The following PRDM15 variants were observed in gnomAD, a reference collection of about 807,000 sequenced individuals.
PRDM15 encodes the protein PR domain zinc finger protein 15.
A neutral mutation model predicts 128.6 loss-of-function variants in PRDM15; 64 were observed. The ratio of observed to expected loss-of-function variants is 0.50; its 90% confidence interval spans 0.41 to 0.61. The LOEUF (loss-of-function observed/expected upper bound fraction) is 0.61, where lower values mean the gene tolerates loss of function less well. PRDM15 is among the 20% of genes least tolerant of loss of function. PRDM15 has a pLI of 0.00. For missense variants in PRDM15, 1,242 were observed against 1,569.1 expected (o/e 0.79, Z 3.52); for synonymous variants, 615 against 621.8 (o/e 0.99, Z 0.16).
At position 41,821,018 on chromosome 21, in the gene PRDM15, A is replaced by G. The variant is rs766164030; in HGVS notation, c.2060+49T>C. On this transcript the variant is annotated intron_variant, in intron 16 of 23. Transcript: ENST00000398548. This position sits in a 1 kb window ranked among gnomAD's most constrained non-coding sequence, Gnocchi z 5.4. The stretch of plus-strand genomic sequence containing the variant: ...AGCATGTGTCTCTTTGCAAGGAAGC[A>G]TGTCCCCTCTCTCCTGACACAACCC... 126 of 1,609,440 alleles carry G rather than the reference A, an allele frequency of 7.8e-5. 2 individuals carry two copies. In the Admixed American group the frequency reaches 1.9e-3, roughly 24 times the overall value.
At chr21:41,849,424 C>T (rs933334670) in intron 5 of PRDM15, among the ~76,000 whole-genome samples, 14 of 151,954 alleles carry the variant, frequency 9.2e-5, no homozygotes, top group Non-Finnish European at 2.1e-4. Context: ...CACAAATTAG[C>T]CAGGCGTGGT....
At position 41,802,660 on chromosome 21, in the gene PRDM15, T is replaced by C. The variant is rs962141696; in HGVS notation, c.2943+52A>G. 6.1e-6 allele frequency: 9 copies of C among 1,471,214 alleles called. No individual in the cohort carries two copies. The African/African-American group carries it at 8.3e-5, about 14-fold the overall frequency. The allele number at this position is 1,471,214 out of a possible 1,614,324, so 91.1% of individuals were successfully genotyped here. On this transcript the variant is annotated intron_variant, in intron 23 of 23. Transcript: ENST00000398548. ...GAGTCACACACACGTAAGGCTCTCA[T>C]GCTTAGGGAAAGTGACCGGCACCTA...
At position 41,810,755 on chromosome 21, in the gene PRDM15, G is replaced by T; in HGVS notation, c.2474C>A (p.Thr825Lys). The stretch of plus-strand genomic sequence containing the variant: ...CTCCTTCAGGCTGCGCCGCTCACCT[G>T]TGTGGATGAGCTTGTGGGTCTCCAT... ...NTMETHKLIH[T>K]VGKQWTCSVC... The change falls in exon 20 of 24, where the codon ACA (threonine) becomes AAA (lysine). Residue 825 changes from threonine to lysine, a missense_variant and splice_region_variant. Physicochemically the swap from Thr to Lys is moderately conservative, Grantham distance 78. Around this residue, in one of 3 missense-constraint regions of PRDM15, gnomAD observed 602 missense variants for 788.3 expected, o/e 0.76. Transcript: ENST00000398548. The surrounding 1 kb of genome is among the most constrained non-coding windows in gnomAD (Gnocchi z 6.4). 1 of 1,613,458 alleles carries T rather than the reference G, an allele frequency of 6.2e-7. No homozygotes were observed. Among genetic ancestry groups the T allele is most frequent in the Non-Finnish European group, 8.5e-7 (1 of 1,179,484 alleles).
At chr21:41,817,580 C>T (rs534506895) in intron 18 of PRDM15, among the ~76,000 whole-genome samples, 2 of 152,188 alleles carry the variant, frequency 1.3e-5, no homozygotes, top group Admixed American at 1.3e-4. Flanking sequence ...ATGACTATAA[C>T]AAAACAACCA....
chr21:41,823,819 A>G (rs28521415), intron 13 of PRDM15, among the ~76,000 whole-genome samples: 53,473 of 152,186 alleles, frequency 0.35, 9,642 homozygotes, highest in East Asian at 0.57. Context: ...AGATATCAAA[A>G]AAGAAAGCTA....
chr21:41,845,313 C>A (rs1331658919), intron 6 of PRDM15, among the ~76,000 whole-genome samples: 3 of 119,300 alleles, frequency 2.5e-5, no homozygotes, highest in Admixed American at 8.0e-5. Flanking sequence ...GGACACACAG[C>A]CCCTCCCCCT....
At position 41,836,560 on chromosome 21, in the gene PRDM15, T is replaced by G. The variant is rs1446642027; in HGVS notation, c.1091A>C (p.Gln364Pro). The G allele has an allele frequency of 6.2e-7, 1 of 1,613,546 alleles. No individual in the cohort carries two copies. The highest frequency in any genetic ancestry group is 1.1e-5 in the South Asian group (1 of 91,054). The change falls in exon 9 of 24, where the codon CAG becomes CCG. Residue 364 changes from glutamine to proline, a missense_variant. Physicochemically the swap from Gln to Pro is moderately conservative, Grantham distance 76 (BLOSUM62 -1). Transcript: ENST00000398548. Reference sequence around the variant, plus strand: ...GTAAACCCGCTTGTGCTCCCCGAGCTGTTTGATGAGCTTGCGCCGGATGCC... The same window carrying G: ...GTAAACCCGCTTGTGCTCCCCGAGCGGTTTGATGAGCTTGCGCCGGATGCC... The part of the protein sequence containing the change: ...RHGIRRKLIK[Q>P]LGEHKRVYQC...
chr21:41,825,893 T>C (rs1438067806), intron 13 of PRDM15, 67 bp downstream of exon 13: 14 of 1,222,676 alleles, frequency 1.1e-5, no homozygotes, highest in African/African-American at 7.4e-5. Flanking sequence ...GTACAGCTCA[T>C]AGAGTCTTAA....
At chr21:41,826,155 G>T in intron 12 of PRDM15, 101 bp from the exon 13 acceptor site, 2 of 911,740 alleles carry the variant, frequency 2.2e-6, no homozygotes, top group Non-Finnish European at 1.8e-6. Context: ...GCGCACGGGA[G>T]GACAGGGCTG....
At position 41,839,825 on chromosome 21, in the gene PRDM15, G is replaced by A. The variant is rs1364253136; in HGVS notation, c.669C>T (p.Ala223=). ...TTTGGCTGCCTGGAGGAAGGCTTTT[G>A]GCTTGTTCTAAGTGGCCCAACAGAT... ...NEHLLGHLEQ[A]KSLPPGSQSE... is the part of the protein sequence containing the mutation. The change falls in exon 7 of 24, where the codon GCC becomes GCT. Residue 223 remains alanine (A), a synonymous_variant. Transcript: ENST00000398548. 6.2e-7 allele frequency: 1 copy of A among 1,614,244 alleles called. No individual in the cohort carries two copies. The highest frequency in any genetic ancestry group is 8.5e-7 in the Non-Finnish European group (1 of 1,180,044).
intron 1 of PRDM15, chr21:41,861,538 C>CA (rs1601440684): frequency 3.9e-6 from 6 of 1,551,744 alleles, no homozygotes; most frequent in East Asian, 2.3e-5. Flanking sequence ...TCCTCTGCCC[C>CA]CCCCCAATCC....
At chr21:41,861,660 C>G in intron 1 of PRDM15, 1 of 1,614,128 alleles carries the variant, frequency 6.2e-7, no homozygotes, top group Non-Finnish European at 8.5e-7. Flanking sequence ...ATTCCACACG[C>G]CCTCCACCCC....
At chr21:41,852,460 A>G (rs985038611) in intron 5 of PRDM15, among the ~76,000 whole-genome samples, 6 of 152,234 alleles carry the variant, frequency 3.9e-5, no homozygotes, top group Non-Finnish European at 5.9e-5. Context: ...AGCAGGCACC[A>G]CCACAGGGGC....
chr21:41,872,054 A>G (rs930722703), intron 1 of PRDM15: 1 of 154,062 alleles, frequency 6.5e-6, no homozygotes, highest in Non-Finnish European at 1.4e-5. Context: ...TAGAAATAGT[A>G]CAAGGTTTTC....
At chr21:41,878,542 G>A (rs1337810885) in intron 1 of PRDM15, among the ~76,000 whole-genome samples, 1 of 151,998 alleles carries the variant, frequency 6.6e-6, no homozygotes, top group Non-Finnish European at 1.5e-5. Flanking sequence ...CACGCGAGGC[G>A]GGCCTCACCT....
Position 41,819,931 on chromosome 21 carries a change from G to C in PRDM15, c.2140+164C>G, listed in dbSNP as rs1601192856. ...GGGGGCTGGGGGCGCTGGGCTGTGA[G>C]TGGCAGGGCTGATAAGGACGGGAAA... On this transcript the variant is annotated intron_variant, in intron 17 of 23. Coordinates refer to ENST00000398548, the MANE Select transcript of PRDM15 (RefSeq NM_001040424.3). The C allele has an allele frequency of 3.9e-6, 3 of 778,682 alleles. No individual in the cohort carries two copies. In the East Asian group the frequency reaches 8.0e-5, roughly 21 times the overall value. 48.2% of individuals were successfully genotyped at this position (778,682 alleles called of 1,614,324 possible).
rs2062747014 is a variant in PRDM15, at chr21:41,832,959, A to C, written c.1366+2478T>G. On this transcript the variant is annotated intron_variant, in intron 11 of 23. Transcript: ENST00000398548. This position sits in a 1 kb window ranked among gnomAD's most constrained non-coding sequence, Gnocchi z 4.2. ...TGCCAGTTCAGGAACCCACAGGGGC[A>C]CTGGGTCCCAACAATGCTTCTCCCT... 6.6e-6 allele frequency among the ~76,000 whole-genome samples: 1 copy of C among 152,178 alleles called. No individual in the cohort carries two copies. Among genetic ancestry groups the C allele is most frequent in the African/African-American group, 2.4e-5 (1 of 41,434 alleles).
rs1219709336 is a variant in PRDM15 at position 41,801,694 on chromosome 21, A to G, written c.2972T>C (p.Val991Ala). Residue 991 changes from valine (V) to alanine (A), a missense_variant, in exon 24 of 24, where the codon GTG becomes GCG. Transcript: ENST00000398548. ...GCCGACTGAGCTCGATGGTGTGGTCACATTTGGGTCACCCAGGGTCACCAC... is the reference window on the plus strand; with the variant it reads ...GCCGACTGAGCTCGATGGTGTGGTCGCATTTGGGTCACCCAGGGTCACCAC... ...QVVVTLGDPN[V>A]TTPSSSVGLT... The G allele has an allele frequency of 1.9e-6, 3 of 1,613,488 alleles. No homozygotes were observed. In the African/African-American group the frequency reaches 4.0e-5, roughly 22 times the overall value.
At chr21:41,842,561 G>A (rs576104612) in intron 6 of PRDM15, among the ~76,000 whole-genome samples, 21 of 152,126 alleles carry the variant, frequency 1.4e-4, no homozygotes, top group African/African-American at 5.1e-4. Flanking sequence ...TGCGATCTCG[G>A]CTCACTATAA....
Sources: gnomAD v4.1 joint callset for allele counts (sites outside exome capture counted in the v4.1 genomes callset) on GRCh38, gnomAD v4.1.1 for gene constraint, gnomAD v4.1.1 regional missense constraint, Gnocchi (gnomAD v3.1) non-coding constraint, MANE v1.5 for transcripts, NCBI Gene and HGNC (gene_info 2026-07-23, HGNC 2026-07-21) for gene names.